Variants in NOMO1 observed in about 807,000 individuals in gnomAD.
NOMO1 encodes the protein NODAL modulator 1, also known as nodal modulator 3.
Under a neutral mutation model 133.8 loss-of-function variants are expected in NOMO1, and 40 were observed. That is an observed-to-expected ratio of 0.30 (90% confidence interval 0.23 to 0.39). The LOEUF (loss-of-function observed/expected upper bound fraction) is 0.39, where lower values mean the gene tolerates loss of function less well. NOMO1 is among the 10% of genes least tolerant of loss of function. The pLI is 1.00. For missense variants in NOMO1, 462 were observed against 1,419.9 expected (o/e 0.33, Z 10.84); for synonymous variants, 236 against 570.5 (o/e 0.41, Z 8.36).
intron 9 of NOMO1, among the ~76,000 whole-genome samples, chr16:14,855,538 T>C (rs1021680655): frequency 6.6e-6 from 1 of 151,944 alleles, no homozygotes; most frequent in Non-Finnish European, 1.5e-5. Context: ...TTAGGTCATA[T>C]GCACAGTGGG....
At chr16:14,881,410 T>C (rs942677439) in intron 24 of NOMO1, 134 bp from the exon 25 acceptor site, 103 of 1,593,314 alleles carry the variant, frequency 6.5e-5, no homozygotes, top group African/African-American at 5.0e-4. Flanking sequence ...CCGGCCACAC[T>C]GAGTTGCCTG....
intron 15 of NOMO1, 46 bp downstream of exon 15, chr16:14,866,737 T>G: frequency 6.2e-7 from 1 of 1,609,858 alleles, no homozygotes; most frequent in Middle Eastern, 2.3e-4. Flanking sequence ...GCGCTCGCCT[T>G]GTGGATGTCA....
intron 27 of NOMO1, 40 bp downstream of exon 27, chr16:14,884,522 T>C: frequency 6.2e-7 from 1 of 1,611,354 alleles, no homozygotes; most frequent in South Asian, 1.1e-5. Context: ...TGTGTTCCCT[T>C]TGGCTTTGAG....
chr16:14,851,053 C>T (rs1369201240), intron 6 of NOMO1, among the ~76,000 whole-genome samples: 1 of 130,642 alleles, frequency 7.7e-6, no homozygotes, highest in Non-Finnish European at 1.6e-5. Flanking sequence ...CACTGCACTT[C>T]AGCTTGGGTG....
intron 29 of NOMO1, among the ~76,000 whole-genome samples, chr16:14,891,853 G>A (rs1439370032): frequency 1.3e-5 from 2 of 152,052 alleles, no homozygotes; most frequent in South Asian, 2.1e-4. Context: ...TGCTCAGTGA[G>A]CCTGTAAATA....
intron 18 of NOMO1, among the ~76,000 whole-genome samples, chr16:14,873,740 C>T (rs1964111579): frequency 6.6e-6 from 1 of 151,750 alleles, no homozygotes; most frequent in South Asian, 2.1e-4. Flanking sequence ...CTTGCTTGTG[C>T]CGGAGGTTGT....
intron 3 of NOMO1, among the ~76,000 whole-genome samples, chr16:14,842,939 T>C (rs1374416578): frequency 6.7e-6 from 1 of 150,240 alleles, no homozygotes; most frequent in African/African-American, 2.4e-5. Context: ...TTATTTTTTC[T>C]TTTTTTTGAG....
At chr16:14,839,696 T>C (rs903905269) in intron 2 of NOMO1, among the ~76,000 whole-genome samples, 14 of 151,558 alleles carry the variant, frequency 9.2e-5, no homozygotes, top group African/African-American at 3.4e-4. Flanking sequence ...ATTTGGTTTT[T>C]TCCTCTTGCA....
In NOMO1 at chr16:14,845,340, G is replaced by A. The variant is rs889984071; in HGVS notation, c.402+566G>A. Among the ~76,000 whole-genome samples the A allele has an allele frequency of 1.3e-5, 2 of 151,914 alleles. 1 individual carries two copies. The highest frequency in any genetic ancestry group is 4.8e-5 in the African/African-American group (2 of 41,296). On this transcript the variant is annotated intron_variant, in intron 4 of 30. Coordinates refer to ENST00000287667, the MANE Select transcript of NOMO1 (RefSeq NM_014287.4). The stretch of plus-strand genomic sequence containing the variant: ...GGTGTACGCTGTGCACCCAGCCGCT[G>A]TTAGCGTTTATGTCAGGGATGGCCT...
intron 1 of NOMO1, among the ~76,000 whole-genome samples, chr16:14,837,034 T>C (rs989013207): frequency 6.6e-6 from 1 of 151,402 alleles, no homozygotes; most frequent in Non-Finnish European, 1.5e-5. Context: ...TTGTTTTATT[T>C]TGAGGCAGGG....
intron 3 of NOMO1, among the ~76,000 whole-genome samples, chr16:14,843,874 A>G (rs1963642399): frequency 1.5e-5 from 2 of 136,614 alleles, no homozygotes; most frequent in Admixed American, 7.6e-5. Flanking sequence ...AACCCCTATT[A>G]TGATGAACTC....
intron 3 of NOMO1, among the ~76,000 whole-genome samples, chr16:14,843,715 T>TTGTGTGTGTG (rs59391735): frequency 1.6e-5 from 2 of 125,932 alleles, no homozygotes; most frequent in African/African-American, 3.0e-5. Context: ...ATTGGAGTCT[T>TTGTGTGTGTG]TGTGTGTGTG....
intron 6 of NOMO1, among the ~76,000 whole-genome samples, chr16:14,851,083 CA>C (rs61323903): frequency 0.72 from 70,238 of 96,984 alleles, 23,951 homozygotes; most frequent in Admixed American, 0.8. Context: ...GACTCCATCT[CA>C]AAAAAAAAAA....
chr16:14,834,666 C>T (rs902842598), intron 1 of NOMO1, among the ~76,000 whole-genome samples: 1 of 138,580 alleles, frequency 7.2e-6, no homozygotes, highest in Non-Finnish European at 1.6e-5. Context: ...AATGGAATTA[C>T]CCTAGAGATT....
intron 11 of NOMO1, among the ~76,000 whole-genome samples, chr16:14,860,363 G>A (rs1175540871): frequency 3.4e-5 from 5 of 147,198 alleles, no homozygotes; most frequent in African/African-American, 5.0e-5. Flanking sequence ...GTGAGATTCC[G>A]TCTCAAAAAA....
chr16:14,874,975 G>A lies in NOMO1; in HGVS notation c.2055-61G>A, dbSNP rs1964132399. On this transcript the variant is annotated intron_variant, in intron 18 of 30. Coordinates refer to ENST00000287667, the MANE Select transcript of NOMO1 (RefSeq NM_014287.4). ...CTCGCAAGTCCATACTCGTAGAAAG[G>A]TCAAATTCCCACTGACCACAAGGAT... is the stretch of plus-strand genomic sequence containing the variant. The A allele has an allele frequency of 3.1e-6, 5 of 1,611,884 alleles. No homozygotes were observed. In the South Asian group the frequency reaches 5.5e-5, roughly 18 times the overall value.
At position 14,860,345 on chromosome 16, in the gene NOMO1, G is replaced by C. The variant is rs444888; in HGVS notation, c.1221-2668G>C. On this transcript the variant is annotated intron_variant, in intron 11 of 30. Coordinates refer to ENST00000287667, the MANE Select transcript of NOMO1 (RefSeq NM_014287.4). The stretch of plus-strand genomic sequence containing the variant: ...ATTGCACCATTGCACTCCAGCCTGG[G>C]CGACAGGGTGAGATTCCGTCTCAAA... 2.0e-5 allele frequency among the ~76,000 whole-genome samples: 3 copies of C among 151,388 alleles called. No homozygotes were observed. The East Asian group carries it at 5.8e-4, about 29-fold the overall frequency.
intron 24 of NOMO1, 91 bp from the exon 25 acceptor site, chr16:14,881,453 T>C: frequency 6.2e-7 from 1 of 1,610,166 alleles, no homozygotes; most frequent in Non-Finnish European, 8.5e-7. Context: ...CCTGAACTAT[T>C]TTGCCCCATA....
intron 30 of NOMO1, 59 bp downstream of exon 30, chr16:14,895,149 A>G: frequency 6.7e-7 from 1 of 1,483,148 alleles, no homozygotes; most frequent in Admixed American, 1.9e-5. Context: ...GAGTCCTCAC[A>G]GCTGCAGGAG....
Sources: allele counts gnomAD v4.1 joint callset (sites outside exome capture counted in the v4.1 genomes callset), GRCh38; gene constraint gnomAD v4.1.1; transcripts MANE v1.5; gene names NCBI Gene and HGNC (gene_info 2026-07-23, HGNC 2026-07-21).